TP63: variants seen among roughly 807,000 people sequenced by gnomAD.
The protein encoded by TP63 is tumor protein p63.
A neutral mutation model predicts 82.8 loss-of-function variants in TP63; 17 were observed. That is an observed-to-expected ratio of 0.21 (90% CI 0.14 to 0.31). The LOEUF is 0.31. Ranked by LOEUF, TP63 falls within the 10% of genes least tolerant of loss-of-function variation. The pLI, the probability that TP63 is intolerant of heterozygous loss-of-function variation, is 1.00. For synonymous variants in TP63, 330 were observed against 321.7 expected, an observed-to-expected ratio of 1.03 and a Z score of -0.28; for missense variants, 648 against 895.3, an observed-to-expected ratio of 0.72 and a Z score of 3.52.
chr3:189,836,623 TC>T (rs1481825879), intron 4 of TP63, among the ~76,000 whole-genome samples: 2 of 152,202 alleles, frequency 1.3e-5, no homozygotes, highest in Admixed American at 6.5e-5. Flanking sequence ...ATATCCCTGT[TC>T]CTTGGCAAAC....
At chr3:189,692,030 G>A (rs543485842) in intron 1 of TP63, among the ~76,000 whole-genome samples, 20 of 152,056 alleles carry the variant, frequency 1.3e-4, no homozygotes, top group Non-Finnish European at 2.2e-4. Context: ...TTATTGCTAC[G>A]GGTTGTCATC....
chr3:189,750,768 C>T (rs1276460190), intron 3 of TP63, among the ~76,000 whole-genome samples: 1 of 151,938 alleles, frequency 6.6e-6, no homozygotes, highest in Admixed American at 6.6e-5. Context: ...GTTTATGATC[C>T]TTGGTGGAAT....
At chr3:189,866,487 G>A (rs1421547502) in intron 5 of TP63, among the ~76,000 whole-genome samples, 195 bp from the exon 6 acceptor site, 1 of 152,120 alleles carries the variant, frequency 6.6e-6, no homozygotes, top group Non-Finnish European at 1.5e-5. Context: ...AGCCCTTTCT[G>A]TTGCTATAAA....
the TP63 span, among the ~76,000 whole-genome samples, chr3:189,604,513 A>T: frequency 6.6e-6 from 1 of 152,206 alleles, no homozygotes; most frequent in Non-Finnish European, 1.5e-5. Flanking sequence ...AGTAAAGGAT[A>T]AATCTAGGCC....
chr3:189,828,705 A>C (rs760520940), intron 4 of TP63, among the ~76,000 whole-genome samples: 1 of 152,210 alleles, frequency 6.6e-6, no homozygotes, highest in African/African-American at 2.4e-5. Context: ...GATTGGCTTG[A>C]TGGCTTTGGC....
intron 4 of TP63, among the ~76,000 whole-genome samples, chr3:189,838,399 C>A (rs368286767): frequency 3.1e-4 from 47 of 152,294 alleles, no homozygotes; most frequent in African/African-American, 1.1e-3. Context: ...GTGTTACATT[C>A]TTTTCCGTGT....
At chr3:189,619,346 T>A in the TP63 span, among the ~76,000 whole-genome samples, 1 of 152,172 alleles carries the variant, frequency 6.6e-6, no homozygotes, top group Non-Finnish European at 1.5e-5. Context: ...ATCTCCATAA[T>A]CTCTGAGGAT....
intron 1 of TP63, among the ~76,000 whole-genome samples, chr3:189,726,355 C>T (rs979448134): frequency 1.3e-5 from 2 of 152,008 alleles, no homozygotes; most frequent in Non-Finnish European, 2.9e-5. Context: ...TCTATGACAT[C>T]GAACCATATG....
At chr3:189,715,850 G>A (rs972072903) in intron 1 of TP63, among the ~76,000 whole-genome samples, 6 of 152,130 alleles carry the variant, frequency 3.9e-5, no homozygotes, top group South Asian at 2.1e-4. Flanking sequence ...CTAAGTCTAC[G>A]TGAGCACTGA....
chr3:189,808,312 A>G lies in TP63; in HGVS notation c.365A>G (p.Gln122Arg), dbSNP rs1464124009. The change falls in exon 4 of 14, where the codon CAG becomes CGG. Residue 122 changes from glutamine (Q) to arginine (R), a missense_variant. Around this residue, in one of 5 missense-constraint regions of TP63, gnomAD observed 182 missense variants for 213.6 expected, o/e 0.85. Transcript: ENST00000264731. The stretch of plus-strand genomic sequence containing the variant: ...CTGGGGCTCCTGAACAGCATGGACC[A>G]GCAGATTCAGAACGGCTCCTCGTCC... ...TNLGLLNSMD[Q>R]QIQNGSSSTS... The G allele has an allele frequency of 1.2e-6, 2 of 1,614,072 alleles. No homozygotes were observed. The highest frequency in any genetic ancestry group is 1.7e-5 in the Admixed American group (1 of 60,004).
At chr3:189,744,366 T>C (rs1311162607) in intron 3 of TP63, among the ~76,000 whole-genome samples, 1 of 152,118 alleles carries the variant, frequency 6.6e-6, no homozygotes, top group Non-Finnish European at 1.5e-5. Context: ...TGTTCTGGCC[T>C]CCCGGGGGAT....
At chr3:189,738,282 A>G (rs762805061) in intron 2 of TP63, among the ~76,000 whole-genome samples, 4 of 152,234 alleles carry the variant, frequency 2.6e-5, no homozygotes, top group Non-Finnish European at 5.9e-5. Context: ...ACAGGTTTGG[A>G]TAAGTGAGTA....
At chr3:189,666,998 A>T (rs1401874935) in intron 1 of TP63, among the ~76,000 whole-genome samples, 1 of 150,944 alleles carries the variant, frequency 6.6e-6, no homozygotes, top group East Asian at 2.0e-4. Context: ...GGCCTTGAAC[A>T]AAAGACAGCA....
chr3:189,735,853 A>G (rs1321548422), intron 1 of TP63, among the ~76,000 whole-genome samples: 1 of 152,088 alleles, frequency 6.6e-6, no homozygotes, highest in Non-Finnish European at 1.5e-5. Flanking sequence ...ACACATATAT[A>G]TATACCCACA....
At chr3:189,661,968 TAATC>T (rs1713923753) in intron 1 of TP63, among the ~76,000 whole-genome samples, 6 of 152,116 alleles carry the variant, frequency 3.9e-5, no homozygotes, top group African/African-American at 9.6e-5. Context: ...TTTTCTTTGT[TAATC>T]TAGCTAGAGT....
rs191810475 is a variant in TP63 at position 189,645,544 on chromosome 3, T to C, written c.62+13967T>C. 35 of 160,388 alleles carry C rather than the reference T, an allele frequency of 2.2e-4. No individual in the cohort carries two copies. The East Asian group carries it at 5.5e-3, about 25-fold the overall frequency. 9.9% of individuals were successfully genotyped at this position (160,388 alleles called of 1,614,324 possible). Reference sequence around the variant, plus strand: ...ATTATACTTTAAGTTCTAGGGTACATGTGCACAACGTGCAGGTTTGTTACA... The same window carrying C: ...ATTATACTTTAAGTTCTAGGGTACACGTGCACAACGTGCAGGTTTGTTACA... On this transcript the variant is annotated intron_variant, in intron 1 of 13. Coordinates refer to ENST00000264731, the MANE Select transcript of TP63 (RefSeq NM_003722.5).
intron 4 of TP63, among the ~76,000 whole-genome samples, chr3:189,834,525 T>A (rs1344964273): frequency 2.0e-5 from 3 of 152,202 alleles, no homozygotes; most frequent in African/African-American, 7.2e-5. Context: ...CATTAGGAAT[T>A]TCTACCAAAA....
At chr3:189,631,699 TTGGACTTTCTG>T in intron 1 of TP63, 122 bp downstream of exon 1, 1 of 1,589,494 alleles carries the variant, frequency 6.3e-7, no homozygotes, top group South Asian at 1.1e-5. Flanking sequence ...TGATATTATT[TTGGACTTTCTG>T]TGGACTTAAA....
chr3:189,714,548 A>G (rs897459451), intron 1 of TP63, among the ~76,000 whole-genome samples: 1 of 152,160 alleles, frequency 6.6e-6, no homozygotes, highest in African/African-American at 2.4e-5. Context: ...CCATCCTAGT[A>G]ATGTTTGAGT....
Sources: allele counts gnomAD v4.1 joint callset (sites outside exome capture counted in the v4.1 genomes callset), GRCh38; gene constraint gnomAD v4.1.1; regional missense constraint gnomAD v4.1.1; transcripts MANE v1.5; gene names NCBI Gene and HGNC (gene_info 2026-07-23, HGNC 2026-07-21).